Variants in KDM4C observed in about 807,000 individuals in gnomAD.
KDM4C encodes the protein lysine-specific demethylase 4C.
In KDM4C, 81 loss-of-function variants were observed where a neutral mutation model predicts 129.3. The observed-to-expected ratio is 0.63, with a 90% CI of 0.52 to 0.75. The LOEUF (loss-of-function observed/expected upper bound fraction) is 0.75. KDM4C is among the 30% of genes least tolerant of loss of function. The probability of loss-of-function intolerance (pLI) is 0.00; values close to 1 mark genes in which losing one functional copy is unlikely to be tolerated. For synonymous variants in KDM4C, 573 were observed against 456.1 expected (o/e 1.26, Z -3.26); for missense variants, 1,457 against 1,304.0 (o/e 1.12, Z -1.81).
chr9:7,063,044 G>C (rs894670661), intron 17 of KDM4C, among the ~76,000 whole-genome samples: 1 of 152,000 alleles, frequency 6.6e-6, no homozygotes, highest in African/African-American at 2.4e-5. Flanking sequence ...CTTAAAACTA[G>C]AGAAAATGTT....
At chr9:6,928,045 A>G (rs965183496) in intron 8 of KDM4C, among the ~76,000 whole-genome samples, 1 of 151,994 alleles carries the variant, frequency 6.6e-6, no homozygotes, top group Non-Finnish European at 1.5e-5. Context: ...CACCATCTCT[A>G]TTTTCTCACC....
rs907392522 is a variant in KDM4C, at chr9:7,014,067, T to G, written c.2182+66T>G. On this transcript the variant is annotated intron_variant, in intron 14 of 21. Coordinates refer to ENST00000381309, the MANE Select transcript of KDM4C (RefSeq NM_015061.6). ...ATTTCACATCATCTTTATTTCTCAC[T>G]TTTTTGGAACCTGTCAGATCTGTTG... 2.9e-6 allele frequency: 4 copies of G among 1,358,376 alleles called. No individual in the cohort carries two copies. The Admixed American group carries it at 5.7e-5, about 19-fold the overall frequency. The allele number at this position is 1,358,376 out of a possible 1,614,324, so 84.1% of individuals were successfully genotyped here.
intron 17 of KDM4C, among the ~76,000 whole-genome samples, chr9:7,090,045 T>G (rs1835614889): frequency 6.6e-6 from 1 of 152,252 alleles, no homozygotes; most frequent in South Asian, 2.1e-4. Flanking sequence ...ATTGTGACCT[T>G]GTTGCTGTCC....
chr9:7,029,706 A>G (rs1248004091), intron 15 of KDM4C, among the ~76,000 whole-genome samples: 3 of 152,238 alleles, frequency 2.0e-5, no homozygotes, highest in African/African-American at 4.8e-5. Flanking sequence ...TGTTTCTTCC[A>G]GGACCTTTCG....
intron 4 of KDM4C, among the ~76,000 whole-genome samples, chr9:6,844,411 G>C (rs1837495585): frequency 6.6e-6 from 1 of 152,114 alleles, no homozygotes; most frequent in Admixed American, 6.5e-5. Context: ...GTAATTTTTT[G>C]TTTTACTGAC....
intron 3 of KDM4C, among the ~76,000 whole-genome samples, chr9:6,810,149 C>T (rs761312060): frequency 6.6e-6 from 1 of 152,050 alleles, no homozygotes. Context: ...CCTCTCTAGC[C>T]CATTTGATTA....
intron 15 of KDM4C, among the ~76,000 whole-genome samples, chr9:7,019,675 G>C (rs921742124): frequency 4.0e-5 from 3 of 74,298 alleles, no homozygotes; most frequent in African/African-American, 9.4e-5. Flanking sequence ...TCTTTAAAAA[G>C]AGAGACTATA....
At chr9:6,851,506 G>C (rs933590015) in intron 5 of KDM4C, among the ~76,000 whole-genome samples, 8 of 152,004 alleles carry the variant, frequency 5.3e-5, no homozygotes, top group Non-Finnish European at 1.0e-4. Flanking sequence ...TTAAAGTGTG[G>C]ATAAAATTGA....
At chr9:6,728,374 A>C (rs1421494415) in intron 1 of KDM4C, among the ~76,000 whole-genome samples, 4 of 151,404 alleles carry the variant, frequency 2.6e-5, no homozygotes, top group Non-Finnish European at 4.4e-5. Context: ...TCTTTACTAA[A>C]AGTACAAAAA....
At chr9:6,911,136 T>A (rs1272576236) in intron 8 of KDM4C, among the ~76,000 whole-genome samples, 2 of 152,326 alleles carry the variant, frequency 1.3e-5, no homozygotes, top group Non-Finnish European at 1.5e-5. Context: ...ATTATTTTTT[T>A]AAAAGGGCTG....
intron 15 of KDM4C, among the ~76,000 whole-genome samples, chr9:7,037,915 A>T (rs1048963594): frequency 6.6e-6 from 1 of 152,076 alleles, no homozygotes; most frequent in African/African-American, 2.4e-5. Flanking sequence ...GAATCATTTT[A>T]TGCTGGGTGT....
At chr9:6,919,535 CTGT>C in intron 8 of KDM4C, among the ~76,000 whole-genome samples, 1 of 57,514 alleles carries the variant, frequency 1.7e-5, no homozygotes, top group East Asian at 5.6e-4. Context: ...TTTCATCTGT[CTGT>C]CTGTCTGTCT....
intron 8 of KDM4C, among the ~76,000 whole-genome samples, chr9:6,927,519 T>C (rs1563827653): frequency 6.6e-6 from 1 of 152,196 alleles, no homozygotes; most frequent in Non-Finnish European, 1.5e-5. Flanking sequence ...GATAATGGAA[T>C]TGATAATAAG....
intron 2 of KDM4C, among the ~76,000 whole-genome samples, chr9:6,797,661 C>G (rs771844481): frequency 1.3e-5 from 2 of 152,190 alleles, no homozygotes; most frequent in Non-Finnish European, 2.9e-5. Flanking sequence ...TTATGCACAT[C>G]ATGTAGTTTT....
intron 8 of KDM4C, 80 bp from the exon 9 acceptor site, chr9:6,980,845 A>T (rs781653846): frequency 1.7e-6 from 2 of 1,182,544 alleles, no homozygotes; most frequent in Non-Finnish European, 2.5e-6. Flanking sequence ...GTATTCATGG[A>T]TGATGTGTTC....
chr9:7,057,829 T>G (rs772675512), intron 17 of KDM4C, among the ~76,000 whole-genome samples: 22 of 152,226 alleles, frequency 1.4e-4, no homozygotes, highest in Non-Finnish European at 2.9e-4. Context: ...CAGTTATTGC[T>G]GAAAACCGTA....
chr9:7,075,639 A>G (rs765329443), intron 17 of KDM4C, among the ~76,000 whole-genome samples: 4 of 152,076 alleles, frequency 2.6e-5, no homozygotes, highest in Non-Finnish European at 5.9e-5. Context: ...CAGATGCCCA[A>G]TCTTGAACCT....
chr9:6,841,181 C>T (rs1393834294), intron 4 of KDM4C, among the ~76,000 whole-genome samples: 1 of 151,922 alleles, frequency 6.6e-6, no homozygotes, highest in Non-Finnish European at 1.5e-5. Flanking sequence ...GGTAGTTCCC[C>T]CTGTGAATTC....
intron 1 of KDM4C, among the ~76,000 whole-genome samples, chr9:6,775,339 A>G (rs1294774746): frequency 1.3e-5 from 2 of 151,712 alleles, no homozygotes; most frequent in Non-Finnish European, 2.9e-5. Flanking sequence ...TCCTGGGAGT[A>G]GCTATGATTT....
Sources: allele counts gnomAD v4.1 joint callset (sites outside exome capture counted in the v4.1 genomes callset), GRCh38; gene constraint gnomAD v4.1.1; transcripts MANE v1.5; gene names NCBI Gene and HGNC (gene_info 2026-07-23, HGNC 2026-07-21).